The following GAREM1 variants were observed in gnomAD, a reference collection of about 807,000 sequenced individuals.
GAREM1 encodes the protein GRB2-associated and regulator of MAPK protein 1.
In GAREM1, 26 loss-of-function variants were observed where a neutral mutation model predicts 71.3. That is an observed-to-expected ratio of 0.36 (90% confidence interval 0.27 to 0.51). The LOEUF is 0.51. Ranked by LOEUF, GAREM1 falls within the 20% of genes least tolerant of loss-of-function variation. The probability of loss-of-function intolerance (pLI) is 0.95; values close to 1 mark genes in which losing one functional copy is unlikely to be tolerated. For missense variants in GAREM1, 1,026 were observed against 1,103.1 expected (o/e 0.93, Z 0.99); for synonymous variants, 440 against 433.2 (o/e 1.02, Z -0.20).
intron 2 of GAREM1, among the ~76,000 whole-genome samples, chr18:32,314,095 T>G (rs915331992): frequency 2.6e-5 from 4 of 152,258 alleles, no homozygotes; most frequent in Admixed American, 6.5e-5. Flanking sequence ...AAAAAGTTTT[T>G]TTTTTTTTTA....
At chr18:32,401,434 G>T (rs1030370411) in intron 1 of GAREM1, among the ~76,000 whole-genome samples, 2 of 150,130 alleles carry the variant, frequency 1.3e-5, no homozygotes, top group African/African-American at 5.0e-5. Context: ...CTATGTTCCA[G>T]ATAATGGTCT....
chr18:32,267,934 T>C lies in GAREM1; in HGVS notation c.2568A>G (p.Lys856=). The C allele has an allele frequency of 2.5e-6, 4 of 1,614,086 alleles. No homozygotes were observed. Among genetic ancestry groups the C allele is most frequent in the Non-Finnish European group, 3.4e-6 (4 of 1,179,964 alleles). The stretch of plus-strand genomic sequence containing the variant: ...TCTTCTTCACCTGCAATTTGCTCAA[T>C]TTGAAATCCTCTGAGAGGATTTCTT... The part of the protein sequence containing the change: ...LTEEILSEDF[K]LSKLQVKKIM... Residue 856 remains lysine, a synonymous_variant, in exon 6 of 6, where the codon AAA becomes AAG. Transcript: ENST00000269209.
intron 3 of GAREM1, among the ~76,000 whole-genome samples, chr18:32,292,749 T>C (rs536718484): frequency 1.3e-5 from 2 of 152,256 alleles, no homozygotes; most frequent in South Asian, 4.1e-4. Context: ...GAACTGTGAG[T>C]CAATTAAATC....
chr18:32,452,243 C>T (rs923027172), intron 1 of GAREM1, among the ~76,000 whole-genome samples: 1 of 152,232 alleles, frequency 6.6e-6, no homozygotes, highest in South Asian at 2.1e-4. Flanking sequence ...TTTAGGACCC[C>T]AGTGAATTCT....
chr18:32,459,154 T>A (rs1350748485), intron 1 of GAREM1, among the ~76,000 whole-genome samples: 2 of 152,160 alleles, frequency 1.3e-5, no homozygotes, highest in Non-Finnish European at 2.9e-5. Flanking sequence ...TATATACAAT[T>A]TGGTCATTTA....
At chr18:32,358,361 A>C (rs549768741) in intron 2 of GAREM1, among the ~76,000 whole-genome samples, 18 of 151,894 alleles carry the variant, frequency 1.2e-4, no homozygotes, top group African/African-American at 3.9e-4. Context: ...TCAGGTTGTC[A>C]AAAGGGGCCA....
At chr18:32,452,968 C>G (rs2048854309) in intron 1 of GAREM1, among the ~76,000 whole-genome samples, 1 of 151,370 alleles carries the variant, frequency 6.6e-6, no homozygotes, top group Non-Finnish European at 1.5e-5. Context: ...GTGTCTTTAA[C>G]AGGTTTACTG....
At chr18:32,433,502 A>G (rs1052067846) in intron 1 of GAREM1, among the ~76,000 whole-genome samples, 1 of 151,934 alleles carries the variant, frequency 6.6e-6, no homozygotes, top group African/African-American at 2.4e-5. Context: ...AAGGAAATCT[A>G]TATGTTATAT....
chr18:32,345,771 T>C (rs2047689777), intron 2 of GAREM1, among the ~76,000 whole-genome samples: 1 of 152,182 alleles, frequency 6.6e-6, no homozygotes, highest in African/African-American at 2.4e-5. Context: ...ATAATGGCAC[T>C]GTTGAAATGG....
In GAREM1 at chr18:32,288,129, T is replaced by C. The variant is rs765386504; in HGVS notation, c.468A>G (p.Leu156=). The C allele has an allele frequency of 6.2e-7, 1 of 1,614,148 alleles. No homozygotes were observed. The highest frequency in any genetic ancestry group is 1.1e-5 in the South Asian group (1 of 91,078). Residue 156 remains leucine, a synonymous_variant, in exon 4 of 6, where the codon CTA becomes CTG. Coordinates refer to ENST00000269209, the MANE Select transcript of GAREM1 (RefSeq NM_001242409.2). ...ITLCTGDELT[L]MGQAEILYAK... The stretch of plus-strand genomic sequence containing the variant: ...CATAAAGGATTTCTGCCTGCCCCAT[T>C]AGAGTGAGTTCATCCCCAGTACACA...
Position 32,444,943 on chromosome 18 carries a change from A to C in GAREM1, c.121+25365T>G, listed in dbSNP as rs577666806. On this transcript the variant is annotated intron_variant, in intron 1 of 5. Coordinates refer to ENST00000269209, the MANE Select transcript of GAREM1 (RefSeq NM_001242409.2). ...AATTCCTATCTGTTCTTCAAGACTC[A>C]GCATAGGCAATACTTCCTTCTTGTA... 2.7e-4 allele frequency among the ~76,000 whole-genome samples: 41 copies of C among 152,284 alleles called. 1 individual carries two copies. Among genetic ancestry groups the C allele is most frequent in the African/African-American group, 8.9e-4 (37 of 41,566 alleles).
chr18:32,406,418 A>G (rs1396037768), intron 1 of GAREM1, among the ~76,000 whole-genome samples: 4 of 152,222 alleles, frequency 2.6e-5, no homozygotes, highest in African/African-American at 9.6e-5. Context: ...AGAATACAAC[A>G]TGACATTCTG....
intron 1 of GAREM1, among the ~76,000 whole-genome samples, chr18:32,398,779 T>C (rs1198449945): frequency 2.0e-5 from 3 of 151,934 alleles, no homozygotes; most frequent in African/African-American, 7.3e-5. Flanking sequence ...ACTATTCCAA[T>C]CAATAGAAAA....
chr18:32,404,827 T>C (rs559547730), intron 1 of GAREM1, among the ~76,000 whole-genome samples: 28 of 152,342 alleles, frequency 1.8e-4, no homozygotes, highest in African/African-American at 6.5e-4. Flanking sequence ...CTGACTAACA[T>C]GGCCCCACTG....
chr18:32,466,993 C>T (rs2049005819), intron 1 of GAREM1, among the ~76,000 whole-genome samples: 1 of 152,138 alleles, frequency 6.6e-6, no homozygotes, highest in African/African-American at 2.4e-5. Flanking sequence ...TAATATTGAA[C>T]ACATCTATCT....
chr18:32,438,426 C>T (rs893957405), intron 1 of GAREM1, among the ~76,000 whole-genome samples: 3 of 152,204 alleles, frequency 2.0e-5, no homozygotes, highest in African/African-American at 7.2e-5. Flanking sequence ...CCACATGGCC[C>T]CTTCTGCCCT....
At chr18:32,317,393 CAA>C (rs35166372) in intron 2 of GAREM1, among the ~76,000 whole-genome samples, 9 of 72,566 alleles carry the variant, frequency 1.2e-4, no homozygotes, top group Admixed American at 1.6e-4. Flanking sequence ...CGCTCTGTCA[CAA>C]AAAAAAAAAA....
intron 2 of GAREM1, among the ~76,000 whole-genome samples, chr18:32,321,394 G>A (rs1394526124): frequency 6.6e-6 from 1 of 152,062 alleles, no homozygotes; most frequent in East Asian, 1.9e-4. Flanking sequence ...TCTGTGCATG[G>A]CCGTCTTCCT....
chr18:32,284,650 A>G (rs1230797645), intron 4 of GAREM1, among the ~76,000 whole-genome samples: 2 of 152,190 alleles, frequency 1.3e-5, no homozygotes, highest in East Asian at 1.9e-4. Context: ...TCATGTTTCT[A>G]TTGAAGGTCA....
Sources: allele counts gnomAD v4.1 joint callset (sites outside exome capture counted in the v4.1 genomes callset), GRCh38; gene constraint gnomAD v4.1.1; transcripts MANE v1.5; gene names NCBI Gene and HGNC (gene_info 2026-07-23, HGNC 2026-07-21).